Variants in MROH1 observed in about 807,000 individuals in gnomAD.
The protein encoded by MROH1 is maestro heat like repeat family member 1, also known as maestro heat-like repeat-containing protein family member 1.
A neutral mutation model predicts 116.5 loss-of-function variants in MROH1; 117 were observed. That is an observed-to-expected ratio of 1.00 (90% CI 0.86 to 1.17). The LOEUF is 1.17. Among genes scored for constraint, MROH1 ranks in the 50% most tolerant of loss-of-function variants. The probability of loss-of-function intolerance (pLI) is 0.00; values close to 1 mark genes in which losing one functional copy is unlikely to be tolerated. For synonymous variants in MROH1, 921 were observed against 583.9 expected, an observed-to-expected ratio of 1.58 and a Z score of -8.32; for missense variants, 1,873 against 1,338.5, an observed-to-expected ratio of 1.40 and a Z score of -6.23.
chr8:144,152,918 C>A (rs1817188415), intron 1 of MROH1, among the ~76,000 whole-genome samples: 2 of 152,168 alleles, frequency 1.3e-5, no homozygotes, highest in Admixed American at 1.3e-4. Context: ...AAGTATATAT[C>A]ACGTTGCTGT....
Position 144,180,040 on chromosome 8 carries a change from G to T in MROH1, c.301-138G>T, listed in dbSNP as rs1315865179. ...CCTCAGCAGCCCCTCAGCAGAGGAG[G>T]CTGTGCCCGCCACCTTCCCTGACCT... On this transcript the variant is annotated intron_variant, in intron 5 of 43. Transcript: ENST00000326134. The surrounding 1 kb of genome is among the most constrained non-coding windows in gnomAD (Gnocchi z 7.4). The T allele has an allele frequency of 1.9e-6, 2 of 1,034,980 alleles. No individual in the cohort carries two copies. Among genetic ancestry groups the T allele is most frequent in the East Asian group, 4.8e-5 (2 of 41,358 alleles). 64.1% of individuals were successfully genotyped at this position (1,034,980 alleles called of 1,614,324 possible).
At chr8:144,169,613 G>A (rs1267430052) in intron 4 of MROH1, among the ~76,000 whole-genome samples, 6 of 148,492 alleles carry the variant, frequency 4.0e-5, no homozygotes, top group Admixed American at 2.0e-4. Context: ...CACCACACAC[G>A]GCTAATTTTG....
In MROH1 at chr8:144,179,469, C is replaced by T. The variant is rs757635502; in HGVS notation, c.183C>T (p.Tyr61=). ...LRQHDKLAHP[Y]RAAVLRAMER... is the part of the protein sequence containing the mutation. ...TCTCTCCGCAGCTGGCACACCCATACCGAGCAGCGGTCCTGAGGGCCATGG... is the reference window on the plus strand; with the variant it reads ...TCTCTCCGCAGCTGGCACACCCATATCGAGCAGCGGTCCTGAGGGCCATGG... The change falls in exon 5 of 44, where the codon TAC becomes TAT. Residue 61 remains tyrosine (Y), a synonymous_variant. Transcript: ENST00000326134. 13 of 1,613,508 alleles carry T rather than the reference C, an allele frequency of 8.1e-6. No homozygotes were observed. The highest frequency in any genetic ancestry group is 9.3e-6 in the Non-Finnish European group (11 of 1,179,814).
chr8:144,179,059 C>A (rs769573743), intron 4 of MROH1, among the ~76,000 whole-genome samples: 1 of 151,990 alleles, frequency 6.6e-6, no homozygotes, highest in Non-Finnish European at 1.5e-5. Flanking sequence ...ACTAGCCTAG[C>A]GGCAGAGACT....
intron 4 of MROH1, chr8:144,174,849 A>G: frequency 1.0e-6 from 1 of 985,342 alleles, no homozygotes; most frequent in Non-Finnish European, 1.2e-6. Context: ...TTCCAGTTGC[A>G]TAACCCATTG....
intron 5 of MROH1, 150 bp downstream of exon 5, chr8:144,179,736 C>CCTGCAGGGTGA: frequency 2.9e-6 from 3 of 1,027,016 alleles, no homozygotes; most frequent in Non-Finnish European, 4.2e-6. Context: ...ATGCATCACC[C>CCTGCAGGGTGA]TGCAGGGGTG....
chr8:144,247,513 G>T, intron 30 of MROH1, 54 bp from the exon 31 acceptor site: 1 of 760,238 alleles, frequency 1.3e-6, no homozygotes, highest in Non-Finnish European at 2.4e-6. Context: ...AGTCCAGGCT[G>T]TGGGATCGCC....
At chr8:144,181,108 C>T (rs575167557) in intron 7 of MROH1, among the ~76,000 whole-genome samples, 89 of 152,260 alleles carry the variant, frequency 5.8e-4, no homozygotes, top group South Asian at 1.5e-3. Context: ...TTAGTGCCCT[C>T]ACAGCCCACG....
intron 5 of MROH1, among the ~76,000 whole-genome samples, chr8:144,179,949 G>A (rs887378965): frequency 5.3e-4 from 14 of 26,320 alleles, no homozygotes; most frequent in African/African-American, 8.2e-4. Flanking sequence ...CTGCTCCTGC[G>A]TGTGGGGTCT....
At chr8:144,195,737 C>T (rs1829743162) in intron 10 of MROH1, among the ~76,000 whole-genome samples, 1 of 151,904 alleles carries the variant, frequency 6.6e-6, no homozygotes, top group African/African-American at 2.4e-5. Context: ...CAGGGTCTCG[C>T]TTTGTCACAC....
intron 14 of MROH1, among the ~76,000 whole-genome samples, chr8:144,232,631 C>T (rs1839138487): frequency 6.6e-6 from 1 of 151,716 alleles, no homozygotes; most frequent in South Asian, 2.1e-4. Context: ...GTAGCTGGGA[C>T]TACATGCGCA....
At chr8:144,166,278 T>C (rs765175752) in intron 3 of MROH1, among the ~76,000 whole-genome samples, 2 of 152,104 alleles carry the variant, frequency 1.3e-5, no homozygotes, top group Non-Finnish European at 1.5e-5. Context: ...TTCCAACATA[T>C]GGATTTTGGA....
At chr8:144,220,342 C>T (rs944242761) in intron 12 of MROH1, among the ~76,000 whole-genome samples, 8 of 152,196 alleles carry the variant, frequency 5.3e-5, no homozygotes, top group African/African-American at 1.7e-4. Flanking sequence ...TTGGAACCTG[C>T]GTGTACCTGA....
intron 12 of MROH1, among the ~76,000 whole-genome samples, chr8:144,201,337 G>A (rs1831101298): frequency 6.6e-6 from 1 of 152,110 alleles, no homozygotes; most frequent in African/African-American, 2.4e-5. Context: ...GGGATTACAG[G>A]CGTGAGCCAC....
At chr8:144,152,218 A>G (rs1337705414) in intron 1 of MROH1, among the ~76,000 whole-genome samples, 9 of 152,284 alleles carry the variant, frequency 5.9e-5, no homozygotes, top group African/African-American at 1.9e-4. Context: ...ACATGAGTTC[A>G]TTTCTGGAAT....
intron 12 of MROH1, among the ~76,000 whole-genome samples, chr8:144,219,543 G>T (rs574303521): frequency 1.3e-5 from 2 of 152,256 alleles, no homozygotes; most frequent in East Asian, 3.9e-4. Flanking sequence ...AAGCAGTGTG[G>T]TATGTCTCAT....
chr8:144,213,096 C>T (rs757329215), intron 12 of MROH1: 15 of 776,928 alleles, frequency 1.9e-5, no homozygotes, highest in African/African-American at 6.8e-5. Flanking sequence ...GCTGATCTAA[C>T]GGCCGCGCCC....
At chr8:144,258,560 G>T (rs1046505131) in intron 35 of MROH1, among the ~76,000 whole-genome samples, 2 of 152,192 alleles carry the variant, frequency 1.3e-5, no homozygotes, top group Non-Finnish European at 2.9e-5. Flanking sequence ...CTTGCTACTA[G>T]CTCACCTCCA....
intron 1 of MROH1, among the ~76,000 whole-genome samples, chr8:144,160,060 C>T (rs992015358): frequency 7.9e-5 from 12 of 152,114 alleles, no homozygotes; most frequent in Admixed American, 2.0e-4. Context: ...TGAGCCACCG[C>T]GCCCGGCCCA....
Sources: gnomAD v4.1 joint callset for allele counts (sites outside exome capture counted in the v4.1 genomes callset) on GRCh38, gnomAD v4.1.1 for gene constraint, Gnocchi (gnomAD v3.1) non-coding constraint, MANE v1.5 for transcripts, NCBI Gene and HGNC (gene_info 2026-07-23, HGNC 2026-07-21) for gene names.